WDR70: variants seen among roughly 807,000 people sequenced by gnomAD.
WDR70 encodes the protein WD repeat-containing protein 70.
WDR70 carries 53 observed loss-of-function variants against 88.6 expected under a neutral mutation model. The ratio of observed to expected loss-of-function variants is 0.60; its 90% confidence interval spans 0.48 to 0.75. The LOEUF is 0.75. Ranked by LOEUF, WDR70 falls within the 30% of genes least tolerant of loss-of-function variation. WDR70 has a pLI of 0.00. For synonymous variants in WDR70, 280 were observed against 270.0 expected (o/e 1.04, Z -0.36); for missense variants, 610 against 823.2 (o/e 0.74, Z 3.17).
At chr5:37,637,567 T>C (rs941255997) in intron 10 of WDR70, among the ~76,000 whole-genome samples, 1 of 152,124 alleles carries the variant, frequency 6.6e-6, no homozygotes, top group Non-Finnish European at 1.5e-5. Flanking sequence ...AGAAGGTCTG[T>C]TTAATAAATG....
chr5:37,583,024 C>G (rs1743264148), intron 9 of WDR70, among the ~76,000 whole-genome samples: 1 of 152,198 alleles, frequency 6.6e-6, no homozygotes, highest in African/African-American at 2.4e-5. Flanking sequence ...TTTTCTGGAT[C>G]TACTTTATTT....
rs965490632 is a variant in WDR70, at chr5:37,540,458, T to G, written c.917+23868T>G. On this transcript the variant is annotated intron_variant, in intron 9 of 17. Transcript: ENST00000265107. ...GTGCAGTGGCACAATCTCGGCTCAC[T>G]GCAATCTCCGCCTCCCAGGTTCAAG... Among the ~76,000 whole-genome samples, 6 of 152,348 alleles carry G rather than the reference T, an allele frequency of 3.9e-5. No homozygotes were observed. In the East Asian group the frequency reaches 1.2e-3, roughly 29 times the overall value.
intron 10 of WDR70, among the ~76,000 whole-genome samples, chr5:37,668,288 C>A (rs1050051565): frequency 3.3e-5 from 5 of 152,084 alleles, no homozygotes; most frequent in Non-Finnish European, 7.4e-5. Context: ...GTAAAATATA[C>A]CAGATATTTA....
intron 8 of WDR70, among the ~76,000 whole-genome samples, chr5:37,480,640 A>C (rs1464833770): frequency 6.6e-6 from 1 of 152,108 alleles, no homozygotes; most frequent in African/African-American, 2.4e-5. Flanking sequence ...AATTATCTCC[A>C]CCTGGCCCCG....
chr5:37,514,384 TTTTTTCC>T (rs1740823521), intron 8 of WDR70, among the ~76,000 whole-genome samples: 1 of 10,696 alleles, frequency 9.3e-5, no homozygotes, highest in East Asian at 0.012. Flanking sequence ...TTATGTATTT[TTTTTTCC>T]ATTAACTTTT....
intron 4 of WDR70, 56 bp downstream of exon 4, chr5:37,392,176 A>C: frequency 7.3e-7 from 1 of 1,361,174 alleles, no homozygotes; most frequent in Non-Finnish European, 9.9e-7. Flanking sequence ...GTGTTTATAG[A>C]GTTTTTTTTT....
chr5:37,640,199 C>T (rs959209795), intron 10 of WDR70, among the ~76,000 whole-genome samples: 4 of 152,028 alleles, frequency 2.6e-5, no homozygotes, highest in African/African-American at 4.8e-5. Context: ...GAAAAATGAG[C>T]GTTTCACTGA....
chr5:37,601,662 T>C (rs1743887305), intron 9 of WDR70, among the ~76,000 whole-genome samples: 1 of 152,182 alleles, frequency 6.6e-6, no homozygotes. Flanking sequence ...TGGTTTTTTT[T>C]TGATGGTGAA....
Position 37,390,247 on chromosome 5 carries a change from G to GTT in WDR70, c.176-1744_176-1743dup, listed in dbSNP as rs35473214. On this transcript the variant is annotated intron_variant, in intron 3 of 17. Transcript: ENST00000265107. ...ACAACTCTAGAAAATTAATGTAGTA[G>GTT]TTTTTTTTTTAAATATAGTGAAAGC... is the stretch of plus-strand genomic sequence containing the variant. 5.1e-4 allele frequency among the ~76,000 whole-genome samples: 76 copies of GTT among 148,356 alleles called. No individual in the cohort carries two copies. The East Asian group carries it at 5.3e-3, about 10-fold the overall frequency.
At chr5:37,505,428 AC>A in intron 8 of WDR70, among the ~76,000 whole-genome samples, 1 of 150,526 alleles carries the variant, frequency 6.6e-6, no homozygotes, top group East Asian at 1.9e-4. Context: ...ATTGAGTGGA[AC>A]CCCCCTACCC....
chr5:37,426,948 A>T (rs1021610508), intron 5 of WDR70, among the ~76,000 whole-genome samples: 1 of 151,872 alleles, frequency 6.6e-6, no homozygotes, highest in Non-Finnish European at 1.5e-5. Flanking sequence ...GCTAATTTTT[A>T]AATTTTTTTT....
intron 8 of WDR70, among the ~76,000 whole-genome samples, chr5:37,497,184 C>CCCTCACTCCCCTCCCTTCCT (rs1561875596): frequency 5.0e-5 from 7 of 141,408 alleles, no homozygotes; most frequent in Non-Finnish European, 1.1e-4. Context: ...CCTCCCTTCC[C>CCCTCACTCCCCTCCCTTCCT]CCCTCACTCC....
At chr5:37,424,489 T>C (rs1203563576) in intron 5 of WDR70, among the ~76,000 whole-genome samples, 1 of 151,676 alleles carries the variant, frequency 6.6e-6, no homozygotes, top group Non-Finnish European at 1.5e-5. Flanking sequence ...ACTGTAGCCT[T>C]AAGCTTCCAG....
chr5:37,587,577 C>T (rs539833600), intron 9 of WDR70, among the ~76,000 whole-genome samples: 116 of 152,010 alleles, frequency 7.6e-4, no homozygotes, highest in Non-Finnish European at 1.2e-3. Flanking sequence ...CCTCATGAGG[C>T]GATGGCATGT....
chr5:37,390,198 T>TG (rs1561833889), intron 3 of WDR70, among the ~76,000 whole-genome samples: 12 of 151,592 alleles, frequency 7.9e-5, no homozygotes, highest in African/African-American at 2.9e-4. Context: ...ATATTTTAAA[T>TG]ATTTTTTTGT....
At chr5:37,691,363 A>G (rs1176606325) in intron 10 of WDR70, among the ~76,000 whole-genome samples, 1 of 152,208 alleles carries the variant, frequency 6.6e-6, no homozygotes, top group Non-Finnish European at 1.5e-5. Flanking sequence ...AAGCGGACCT[A>G]GTAGACATGT....
chr5:37,567,614 A>G (rs1742780409), intron 9 of WDR70, among the ~76,000 whole-genome samples: 1 of 151,472 alleles, frequency 6.6e-6, no homozygotes, highest in African/African-American at 2.4e-5. Flanking sequence ...GAGTTTGGAC[A>G]TGAGTTTTGA....
intron 8 of WDR70, among the ~76,000 whole-genome samples, chr5:37,508,322 A>T (rs1443736102): frequency 6.6e-6 from 1 of 152,184 alleles, no homozygotes; most frequent in Non-Finnish European, 1.5e-5. Context: ...TCCTGACCAT[A>T]TGAAGATACA....
intron 9 of WDR70, among the ~76,000 whole-genome samples, chr5:37,588,590 T>G (rs1743432838): frequency 6.6e-6 from 1 of 151,906 alleles, no homozygotes. Flanking sequence ...TTTATTTTTA[T>G]TTTTAGAGAT....
Sources: gnomAD v4.1 joint callset for allele counts (sites outside exome capture counted in the v4.1 genomes callset) on GRCh38, gnomAD v4.1.1 for gene constraint, MANE v1.5 for transcripts, NCBI Gene and HGNC (gene_info 2026-07-23, HGNC 2026-07-21) for gene names.